NXPE2: variants seen among roughly 807,000 people sequenced by gnomAD.
NXPE2 encodes the protein neurexophilin and PC-esterase domain family member 2, also known as NXPE family member 2.
In NXPE2, 34 loss-of-function variants were observed where a neutral mutation model predicts 34.4. That is an observed-to-expected ratio of 0.99 (90% CI 0.75 to 1.31). The LOEUF (loss-of-function observed/expected upper bound fraction) is 1.31. NXPE2 is among the 40% of genes most tolerant of loss of function. The probability of loss-of-function intolerance (pLI) is 0.00; values close to 1 mark genes in which losing one functional copy is unlikely to be tolerated. For synonymous variants in NXPE2, 235 were observed against 231.3 expected (o/e 1.02, Z -0.15); for missense variants, 649 against 672.5 (o/e 0.97, Z 0.39).
the NXPE2 span, among the ~76,000 whole-genome samples, chr11:114,607,651 C>T: frequency 8.6e-5 from 13 of 151,788 alleles, no homozygotes; most frequent in Admixed American, 3.9e-4. Context: ...CGGTTAACCA[C>T]TCTTACACAG....
At chr11:114,708,596 C>T (rs1282793901), downstream of NXPE2, among the ~76,000 whole-genome samples, 19 of 150,436 alleles carry the variant, frequency 1.3e-4, no homozygotes, top group Admixed American at 1.3e-3. Flanking sequence ...CACCACCACA[C>T]TCCAGCCTGG....
the NXPE2 span, among the ~76,000 whole-genome samples, chr11:114,728,480 T>C: frequency 6.6e-6 from 1 of 152,122 alleles, no homozygotes; most frequent in Non-Finnish European, 1.5e-5. Flanking sequence ...ATTTTTTATG[T>C]ACTTGCACAA....
the NXPE2 span, among the ~76,000 whole-genome samples, chr11:114,648,915 T>G: frequency 6.6e-6 from 1 of 150,858 alleles, no homozygotes; most frequent in Non-Finnish European, 1.5e-5. Flanking sequence ...AGTCAATACA[T>G]CTTATGTTAT....
chr11:114,490,332 T>C, the NXPE2 span, among the ~76,000 whole-genome samples: 2 of 152,210 alleles, frequency 1.3e-5, no homozygotes, highest in Admixed American at 6.5e-5. Flanking sequence ...CCAATGACTT[T>C]CTTCACAGAA....
At chr11:114,638,504 G>C in the NXPE2 span, among the ~76,000 whole-genome samples, 31 of 152,026 alleles carry the variant, frequency 2.0e-4, no homozygotes, top group Non-Finnish European at 8.8e-5. Context: ...TCCATTGCTG[G>C]TGAGGAACTG....
the NXPE2 span, among the ~76,000 whole-genome samples, chr11:114,536,601 T>G: frequency 6.6e-6 from 1 of 151,938 alleles, no homozygotes; most frequent in Non-Finnish European, 1.5e-5. Context: ...AAAGGGGATA[T>G]CACCACCGAT....
At chr11:114,530,964 CTTA>C in the NXPE2 span, 1 of 1,466,696 alleles carries the variant, frequency 6.8e-7, no homozygotes, top group Non-Finnish European at 9.0e-7. Context: ...ATCATTTTTA[CTTA>C]TTATGAGTTT....
the NXPE2 span, among the ~76,000 whole-genome samples, chr11:114,600,202 G>T: frequency 6.6e-6 from 1 of 152,088 alleles, no homozygotes; most frequent in Non-Finnish European, 1.5e-5. Flanking sequence ...TTAGAGTGCA[G>T]AAAATCAATG....
At chr11:114,617,568 C>T in the NXPE2 span, among the ~76,000 whole-genome samples, 1 of 152,040 alleles carries the variant, frequency 6.6e-6, no homozygotes, top group Non-Finnish European at 1.5e-5. Context: ...ATAATAGTTG[C>T]CTCACGGGTA....
the NXPE2 span, among the ~76,000 whole-genome samples, chr11:114,602,852 TATA>T: frequency 6.8e-6 from 1 of 147,322 alleles, no homozygotes; most frequent in Non-Finnish European, 1.5e-5. Flanking sequence ...CAGAATCACA[TATA>T]ATTATCTCAT....
At chr11:114,613,854 C>T in the NXPE2 span, among the ~76,000 whole-genome samples, 1 of 151,140 alleles carries the variant, frequency 6.6e-6, no homozygotes, top group Non-Finnish European at 1.5e-5. Context: ...ATACGTATTG[C>T]CTAATAGGTA....
chr11:114,639,918 TTA>T, the NXPE2 span, among the ~76,000 whole-genome samples: 4 of 112,826 alleles, frequency 3.5e-5, no homozygotes, highest in African/African-American at 1.5e-4. Flanking sequence ...AAATATAATA[TTA>T]TATTATATAT....
the NXPE2 span, among the ~76,000 whole-genome samples, chr11:114,601,791 G>GATTATATATTATATAATTATATATA: frequency 1.5e-5 from 1 of 67,544 alleles, no homozygotes; most frequent in Admixed American, 2.8e-4. Flanking sequence ...TATAACATGT[G>GATTATATATTATATAATTATATATA]ATATATGATT....
At chr11:114,765,623 TC>T in the NXPE2 span, among the ~76,000 whole-genome samples, 4 of 152,190 alleles carry the variant, frequency 2.6e-5, no homozygotes, top group African/African-American at 4.8e-5. Flanking sequence ...ATTTTAGCTC[TC>T]CACTCCATTA....
chr11:114,663,396 C>T, the NXPE2 span, among the ~76,000 whole-genome samples: 3 of 152,036 alleles, frequency 2.0e-5, no homozygotes, highest in South Asian at 6.2e-4. Context: ...TAAATGGTTG[C>T]AGGTAACAAA....
chr11:114,767,496 A>G, the NXPE2 span, among the ~76,000 whole-genome samples: 1 of 152,174 alleles, frequency 6.6e-6, no homozygotes, highest in African/African-American at 2.4e-5. Context: ...TCGCCAAATA[A>G]TTTATTGCAT....
chr11:114,702,705 G>A (rs1477837032), intron 3 of NXPE2, among the ~76,000 whole-genome samples: 2 of 152,110 alleles, frequency 1.3e-5, no homozygotes, highest in Admixed American at 6.5e-5. Context: ...GAGTCAGAAC[G>A]GGATTCCCAG....
At chr11:114,696,340 C>T (rs963684776) in intron 2 of NXPE2, among the ~76,000 whole-genome samples, 1 of 64,606 alleles carries the variant, frequency 1.5e-5, no homozygotes, top group African/African-American at 7.1e-5. Context: ...TCAAAAAAAC[C>T]AAAAAAAAAA....
At chr11:114,610,219 A>G in the NXPE2 span, among the ~76,000 whole-genome samples, 27 of 152,034 alleles carry the variant, frequency 1.8e-4, no homozygotes, top group Admixed American at 1.6e-3. Flanking sequence ...CCCAGTCAAT[A>G]ATAAGTGTTG....
Sources: allele counts gnomAD v4.1 joint callset (sites outside exome capture counted in the v4.1 genomes callset), GRCh38; gene constraint gnomAD v4.1.1; transcripts MANE v1.5; gene names NCBI Gene and HGNC (gene_info 2026-07-23, HGNC 2026-07-21).